The following SPRY3 variants were observed in gnomAD, a reference collection of about 807,000 sequenced individuals.
SPRY3 encodes sprouty RTK signaling antagonist 3.
In SPRY3, 15 loss-of-function variants were observed where a neutral mutation model predicts 20.2. The ratio of observed to expected loss-of-function variants is 0.74; its 90% CI spans 0.50 to 1.14. The LOEUF is 1.14. SPRY3 is among the 50% of genes most tolerant of loss of function. The pLI, the probability that SPRY3 is intolerant of heterozygous loss-of-function variation, is 0.00. For synonymous variants in SPRY3, 143 were observed against 136.5 expected, an observed-to-expected ratio of 1.05 and a Z score of -0.33; for missense variants, 364 against 363.9, an observed-to-expected ratio of 1.00 and a Z score of 0.00.
At chrX:155,695,347 T>C (rs1288256359) in intron 2 of SPRY3, among the ~76,000 whole-genome samples, 1 of 111,801 alleles carries the variant, frequency 8.9e-6, no homozygotes, top group African/African-American at 3.2e-5. Context: ...AAGTCTGCAG[T>C]CACTCAAATT....
exon 2 of SPRY3, chrX:155,782,225 C>T (rs2091467231): frequency 1.2e-5 from 2 of 166,980 alleles, no homozygotes; most frequent in Admixed American, 1.3e-4. Context: ...GGCTTTCTGA[C>T]TTGGAGCATC....
At chrX:155,614,491 C>G (rs2067844065) in intron 1 of SPRY3, among the ~76,000 whole-genome samples, 1 of 111,422 alleles carries the variant, frequency 9.0e-6, no homozygotes, top group Non-Finnish European at 1.9e-5. Context: ...ATAAAATGTG[C>G]ACTATATGCT....
At chrX:155,621,441 T>C (rs1174246130) in intron 1 of SPRY3, among the ~76,000 whole-genome samples, 1 of 111,725 alleles carries the variant, frequency 9.0e-6, no homozygotes, top group Admixed American at 9.5e-5. Context: ...ACATAGGTTT[T>C]AATCCTGGTC....
chrX:155,677,619 C>T (rs998628030), intron 2 of SPRY3, among the ~76,000 whole-genome samples: 2 of 111,744 alleles, frequency 1.8e-5, no homozygotes, highest in African/African-American at 6.5e-5. Flanking sequence ...CCAATATCAG[C>T]TTTATCAGTA....
chrX:155,764,165 A>T (rs767250775), intron 2 of SPRY3, among the ~76,000 whole-genome samples: 2 of 152,290 alleles, frequency 1.3e-5, no homozygotes, highest in African/African-American at 4.8e-5. Context: ...AAAGAGAAAG[A>T]AGGCATTGGA....
At chrX:155,656,195 C>G (rs2067991725) in intron 1 of SPRY3, among the ~76,000 whole-genome samples, 1 of 111,458 alleles carries the variant, frequency 9.0e-6, no homozygotes, top group Non-Finnish European at 1.9e-5. Context: ...AGGGTGTTTT[C>G]CAACTTGGTT....
intron 2 of SPRY3, among the ~76,000 whole-genome samples, chrX:155,736,325 CT>C (rs1226337021): frequency 6.6e-6 from 1 of 151,842 alleles, no homozygotes; most frequent in Non-Finnish European, 1.5e-5. Context: ...CATTTTCCTT[CT>C]CCCTGAAGGA....
intron 3 of SPRY3, among the ~76,000 whole-genome samples, chrX:155,771,824 T>C (rs700441): frequency 0.049 from 7,485 of 152,244 alleles, 629 homozygotes; most frequent in African/African-American, 0.17. Flanking sequence ...TGCTTTTGAA[T>C]GCCCCAATAA....
chrX:155,751,976 AATAAAAT>A (rs1273535897), intron 2 of SPRY3, among the ~76,000 whole-genome samples: 1 of 149,600 alleles, frequency 6.7e-6, no homozygotes. Context: ...AATAAAATAA[AATAAAAT>A]AAAGGAAAGG....
At chrX:155,621,266 CTA>C (rs1557349397) in intron 1 of SPRY3, among the ~76,000 whole-genome samples, 2 of 112,042 alleles carry the variant, frequency 1.8e-5, no homozygotes, top group Non-Finnish European at 3.8e-5. Flanking sequence ...ACGTCTTGTA[CTA>C]TAAATAGCTT....
At chrX:155,631,325 T>A (rs782057418) in intron 1 of SPRY3, among the ~76,000 whole-genome samples, 30 of 112,232 alleles carry the variant, frequency 2.7e-4, no homozygotes, top group Admixed American at 4.7e-4. Flanking sequence ...ATGTACTGTA[T>A]TTTTTTTATC....
intron 2 of SPRY3, among the ~76,000 whole-genome samples, chrX:155,703,726 C>A (rs1161201719): frequency 6.6e-6 from 1 of 150,598 alleles, no homozygotes; most frequent in Non-Finnish European, 1.5e-5. Flanking sequence ...AATTTTGGAT[C>A]TTTCCTGCTT....
intron 2 of SPRY3, among the ~76,000 whole-genome samples, chrX:155,756,003 A>C (rs188520372): frequency 5.9e-5 from 9 of 152,246 alleles, no homozygotes; most frequent in Admixed American, 3.9e-4. Context: ...AGACCTTGTA[A>C]TACAGAGCTA....
intron 2 of SPRY3, among the ~76,000 whole-genome samples, chrX:155,721,499 A>G (rs547558279): frequency 6.6e-6 from 1 of 152,262 alleles, no homozygotes; most frequent in South Asian, 2.1e-4. Context: ...ACCTCAATGC[A>G]TTTAATAATC....
At chrX:155,703,709 G>C (rs1476126587) in intron 2 of SPRY3, among the ~76,000 whole-genome samples, 3 of 148,936 alleles carry the variant, frequency 2.0e-5, no homozygotes, top group Non-Finnish European at 4.4e-5. Context: ...TGTGATGTTA[G>C]GGTGTCAATT....
chrX:155,733,144 TAA>T (rs2091145229), intron 2 of SPRY3, among the ~76,000 whole-genome samples: 2 of 151,838 alleles, frequency 1.3e-5, no homozygotes. Context: ...TTAAGATAAC[TAA>T]AAGAGTATGT....
chrX:155,727,423 G>A (rs306915), intron 2 of SPRY3, among the ~76,000 whole-genome samples: 19,440 of 152,020 alleles, frequency 0.13, 2,107 homozygotes, highest in African/African-American at 0.31. Flanking sequence ...CATTCTCCCC[G>A]TCACTTTCAG....
At chrX:155,627,312 A>G (rs1164835274) in intron 1 of SPRY3, among the ~76,000 whole-genome samples, 1 of 112,016 alleles carries the variant, frequency 8.9e-6, no homozygotes, top group Non-Finnish European at 1.9e-5. Context: ...TTTCACACGC[A>G]TGAGATCATG....
chrX:155,686,783 A>G (rs888204584), intron 2 of SPRY3, among the ~76,000 whole-genome samples: 4 of 112,397 alleles, frequency 3.6e-5, no homozygotes, highest in Non-Finnish European at 5.6e-5. Flanking sequence ...CATCCAATAG[A>G]GAAGAATGTT....
Sources: allele counts gnomAD v4.1 joint callset (sites outside exome capture counted in the v4.1 genomes callset), GRCh38; gene constraint gnomAD v4.1.1; transcripts MANE v1.5; gene names NCBI Gene and HGNC (gene_info 2026-07-23, HGNC 2026-07-21).